ZNF564: variants seen among roughly 807,000 people sequenced by gnomAD.
ZNF564 encodes the protein zinc finger protein 564.
In ZNF564, 5 loss-of-function variants were observed where a neutral mutation model predicts 10.5. The ratio of observed to expected loss-of-function variants is 0.48; its 90% confidence interval spans 0.25 to 1.00. The LOEUF (loss-of-function observed/expected upper bound fraction) is 1.00. Ranked by LOEUF, ZNF564 falls within the 50% of genes least tolerant of loss-of-function variation. The pLI, the probability that ZNF564 is intolerant of heterozygous loss-of-function variation, is 0.16. For synonymous variants in ZNF564, 242 were observed against 218.1 expected (o/e 1.11, Z -0.97); for missense variants, 603 against 669.7 (o/e 0.90, Z 1.10).
intron 1 of ZNF564, among the ~76,000 whole-genome samples, chr19:12,547,961 G>A (rs370171893): frequency 6.6e-6 from 1 of 151,236 alleles, no homozygotes; most frequent in African/African-American, 2.4e-5. Flanking sequence ...ACAGGCATGC[G>A]CCACCATGCC....
chr19:12,546,381 C>A (rs149166160), intron 1 of ZNF564, among the ~76,000 whole-genome samples: 1 of 152,080 alleles, frequency 6.6e-6, no homozygotes, highest in Non-Finnish European at 1.5e-5. Context: ...CAGCATACTG[C>A]GGGGGAAAAA....
intron 1 of ZNF564, chr19:12,548,032 A>G: frequency 2.9e-6 from 1 of 350,338 alleles, no homozygotes; most frequent in Non-Finnish European, 4.0e-6. Context: ...GCTGGTCTCA[A>G]ACTCACCTCA....
rs531910799 is a variant in ZNF564 at position 12,540,738 on chromosome 19, C to CA, written c.3+10591dup. 3.2e-3 allele frequency among the ~76,000 whole-genome samples: 493 copies of CA among 152,166 alleles called. 2 individuals are homozygous for CA. Among genetic ancestry groups the CA allele is most frequent in the African/African-American group, 0.011 (462 of 41,524 alleles). ...GCGTGGTGGCGGGCGCCTGTAGTCC[C>CA]AGCTACTCGGGAGGCTGAGGCAGAA... On this transcript the variant is annotated intron_variant, in intron 1 of 3. Transcript: ENST00000339282.
chr19:12,528,447 A>C, intron 2 of ZNF564, 83 bp from the exon 3 acceptor site: 1 of 1,576,164 alleles, frequency 6.3e-7, no homozygotes, highest in South Asian at 1.1e-5. Flanking sequence ...GATAAGGTGC[A>C]AACAACCCTG....
intron 1 of ZNF564, chr19:12,530,068 A>G (rs552501046): frequency 6.5e-6 from 1 of 152,776 alleles, no homozygotes; most frequent in African/African-American, 2.4e-5. Flanking sequence ...ATAAATAAAT[A>G]TACACTGAAG....
At chr19:12,540,028 A>T (rs1012968053) in intron 1 of ZNF564, among the ~76,000 whole-genome samples, 1 of 152,230 alleles carries the variant, frequency 6.6e-6, no homozygotes, top group Non-Finnish European at 1.5e-5. Flanking sequence ...TAGTACACAC[A>T]GTATAATGCC....
intron 1 of ZNF564, among the ~76,000 whole-genome samples, 193 bp downstream of exon 1, chr19:12,551,137 A>C (rs927805285): frequency 1.3e-5 from 2 of 152,268 alleles, no homozygotes; most frequent in Non-Finnish European, 2.9e-5. Flanking sequence ...GGGACGGGAC[A>C]GGACGCCTGG....
chr19:12,537,098 T>C (rs761673819), intron 1 of ZNF564, among the ~76,000 whole-genome samples: 3 of 152,192 alleles, frequency 2.0e-5, no homozygotes, highest in African/African-American at 4.8e-5. Context: ...GGCTTCATTA[T>C]AGGTTTCTCA....
chr19:12,526,296 A>G lies in ZNF564; in HGVS notation c.*150T>C, dbSNP rs2021678770. 2.4e-6 allele frequency: 2 copies of G among 827,334 alleles called. No individual in the cohort carries two copies. The highest frequency in any genetic ancestry group is 3.6e-6 in the Non-Finnish European group (2 of 556,416). 51.2% of individuals were successfully genotyped at this position (827,334 alleles called of 1,614,324 possible). On this transcript the variant is annotated 3_prime_UTR_variant, in exon 4 of 4. Coordinates refer to ENST00000339282, the MANE Select transcript of ZNF564 (RefSeq NM_144976.4). Reference sequence around the variant, plus strand: ...ACCAAACTAGTCATGTATTTCCAAAATATGAGACAGGCACAGGATAGAGAT... The same window carrying G: ...ACCAAACTAGTCATGTATTTCCAAAGTATGAGACAGGCACAGGATAGAGAT...
At chr19:12,531,146 C>A (rs1391528793) in intron 1 of ZNF564, among the ~76,000 whole-genome samples, 1 of 152,106 alleles carries the variant, frequency 6.6e-6, no homozygotes, top group African/African-American at 2.4e-5. Flanking sequence ...GTTGAAGAGT[C>A]AACAAAAAGT....
At chr19:12,545,095 T>C (rs530796056) in intron 1 of ZNF564, among the ~76,000 whole-genome samples, 3 of 151,866 alleles carry the variant, frequency 2.0e-5, no homozygotes, top group Non-Finnish European at 4.4e-5. Context: ...CCCCCGTCTC[T>C]ACTAAAAATA....
intron 1 of ZNF564, among the ~76,000 whole-genome samples, chr19:12,549,434 A>G (rs796410530): frequency 2.0e-5 from 3 of 152,216 alleles, no homozygotes; most frequent in African/African-American, 7.2e-5. Flanking sequence ...AAGACAGTGA[A>G]TTGTGCCCTG....
chr19:12,543,515 A>G (rs1345629373), intron 1 of ZNF564, among the ~76,000 whole-genome samples: 12 of 150,616 alleles, frequency 8.0e-5, no homozygotes, highest in Non-Finnish European at 1.8e-4. Flanking sequence ...TCTCTACTAA[A>G]AATACAAAAA....
At chr19:12,550,050 TG>T (rs2022222709) in intron 1 of ZNF564, among the ~76,000 whole-genome samples, 1 of 151,768 alleles carries the variant, frequency 6.6e-6, no homozygotes, top group Admixed American at 6.6e-5. Flanking sequence ...CCCAGCACTT[TG>T]GGAGGCCGAG....
Position 12,526,867 on chromosome 19 carries a change from GTTCT to G in ZNF564, c.1237_1240del (p.Arg413LeufsTer27), listed in dbSNP as rs763013360. The G allele has an allele frequency of 4.3e-6, 7 of 1,614,068 alleles. No homozygotes were observed. Among genetic ancestry groups the G allele is most frequent in the Non-Finnish European group, 5.9e-6 (7 of 1,179,984 alleles). ...TTCATAGGGTTTCTCTCCAGTGTGAGTTCTTTCGTGTATTTGAAATGAACTGGGA... is the reference window on the plus strand; with the variant it reads ...TTCATAGGGTTTCTCTCCAGTGTGAGTTCGTGTATTTGAAATGAACTGGGA... On this transcript the variant is annotated frameshift_variant, in exon 4 of 4. Coordinates refer to ENST00000339282, the MANE Select transcript of ZNF564 (RefSeq NM_144976.4). LOFTEE classifies it low-confidence loss of function (END_TRUNC).
chr19:12,532,724 T>TA (rs999969775), intron 1 of ZNF564, among the ~76,000 whole-genome samples: 101 of 151,080 alleles, frequency 6.7e-4, no homozygotes, highest in African/African-American at 2.3e-3. Flanking sequence ...ACTCTGTCTC[T>TA]AAAAAAAATA....
intron 1 of ZNF564, among the ~76,000 whole-genome samples, chr19:12,530,595 G>C (rs1379686323): frequency 6.6e-6 from 1 of 152,180 alleles, no homozygotes; most frequent in Non-Finnish European, 1.5e-5. Flanking sequence ...CAGATGGTTT[G>C]ATGGTGAATT....
At chr19:12,544,103 C>T (rs981434346) in intron 1 of ZNF564, among the ~76,000 whole-genome samples, 2 of 152,138 alleles carry the variant, frequency 1.3e-5, no homozygotes, top group African/African-American at 4.8e-5. Context: ...CAGCCTATGG[C>T]AATGTATTAC....
chr19:12,535,063 C>A (rs2021883045), intron 1 of ZNF564, among the ~76,000 whole-genome samples: 1 of 151,828 alleles, frequency 6.6e-6, no homozygotes, highest in African/African-American at 2.4e-5. Flanking sequence ...CATGATAAGA[C>A]ATAGAGGAAA....
Sources: allele counts gnomAD v4.1 joint callset (sites outside exome capture counted in the v4.1 genomes callset), GRCh38; gene constraint gnomAD v4.1.1; transcripts MANE v1.5; gene names NCBI Gene and HGNC (gene_info 2026-07-23, HGNC 2026-07-21).